The following IL1RAPL2 variants were observed in gnomAD, a reference collection of about 807,000 sequenced individuals.
IL1RAPL2 encodes the protein interleukin 1 receptor accessory protein like 2, also known as X-linked interleukin-1 receptor accessory protein-like 2.
Under a neutral mutation model 44.1 loss-of-function variants are expected in IL1RAPL2, and 3 were observed. The ratio of observed to expected loss-of-function variants is 0.07; its 90% CI spans 0.03 to 0.18. The LOEUF is 0.18. Ranked by LOEUF, IL1RAPL2 falls within the 10% of genes least tolerant of loss-of-function variation. The probability of loss-of-function intolerance (pLI) is 1.00; values close to 1 mark genes in which losing one functional copy is unlikely to be tolerated. For synonymous variants in IL1RAPL2, 181 were observed against 178.8 expected (o/e 1.01, Z -0.10); for missense variants, 391 against 496.4 (o/e 0.79, Z 2.02).
intron 2 of IL1RAPL2, among the ~76,000 whole-genome samples, chrX:104,898,226 C>A (rs772949713): frequency 9.0e-6 from 1 of 111,263 alleles, no homozygotes; most frequent in Non-Finnish European, 1.9e-5. Flanking sequence ...CTTTAGGAGT[C>A]GGTAAAACAA....
At chrX:104,659,441 A>T (rs1344155441) in intron 2 of IL1RAPL2, among the ~76,000 whole-genome samples, 2 of 111,866 alleles carry the variant, frequency 1.8e-5, no homozygotes, top group Admixed American at 1.9e-4. Flanking sequence ...AGGGGTCTAC[A>T]GCCTCCAAGT....
At chrX:105,254,759 A>G (rs1290568371) in intron 4 of IL1RAPL2, among the ~76,000 whole-genome samples, 6 of 112,065 alleles carry the variant, frequency 5.4e-5, no homozygotes, top group Admixed American at 9.5e-5. Flanking sequence ...TTCACCTTCA[A>G]TCTTCTGCAT....
intron 2 of IL1RAPL2, among the ~76,000 whole-genome samples, chrX:105,084,560 C>T (rs1372406320): frequency 8.9e-6 from 1 of 112,452 alleles, no homozygotes; most frequent in Non-Finnish European, 1.9e-5. Context: ...AGAACAGGAG[C>T]ATTTACCCAA....
intron 5 of IL1RAPL2, among the ~76,000 whole-genome samples, chrX:105,334,233 G>T (rs1472689380): frequency 9.0e-6 from 1 of 111,686 alleles, no homozygotes; most frequent in African/African-American, 3.3e-5. Context: ...GATGGAACAG[G>T]AGGACACTCA....
intron 2 of IL1RAPL2, among the ~76,000 whole-genome samples, chrX:105,075,356 A>G (rs1462432276): frequency 4.5e-5 from 5 of 111,361 alleles, no homozygotes; most frequent in South Asian, 7.5e-4. Context: ...ATTGTTTTGC[A>G]TATGTTGAAC....
chrX:105,568,277 T>TATCA (rs1291026558), intron 6 of IL1RAPL2, among the ~76,000 whole-genome samples: 1 of 112,015 alleles, frequency 8.9e-6, no homozygotes, highest in Non-Finnish European at 1.9e-5. Context: ...TATCATCCCC[T>TATCA]ATCACTACAA....
At chrX:105,029,953 G>A (rs1259740156) in intron 2 of IL1RAPL2, among the ~76,000 whole-genome samples, 1 of 111,750 alleles carries the variant, frequency 8.9e-6, no homozygotes, top group Non-Finnish European at 1.9e-5. Flanking sequence ...TCCAACTGGT[G>A]TGAGATGGTA....
At chrX:104,672,728 TC>T (rs1451985112) in intron 2 of IL1RAPL2, among the ~76,000 whole-genome samples, 1 of 104,252 alleles carries the variant, frequency 9.6e-6, no homozygotes, top group Non-Finnish European at 2.0e-5. Flanking sequence ...GTAAAAGTGT[TC>T]CTATTTCTCC....
In IL1RAPL2 at chrX:105,430,503, A is replaced by C. The variant is rs184380669; in HGVS notation, c.698-53810A>C. 6.0e-4 allele frequency among the ~76,000 whole-genome samples: 67 copies of C among 111,691 alleles called. 1 individual carries two copies. The highest frequency in any genetic ancestry group is 9.4e-4 in the Non-Finnish European group (50 of 52,974). On this transcript the variant is annotated intron_variant, in intron 5 of 10. Transcript: ENST00000372582. ...ATTTCTACTATATCTTAATCCATAT[A>C]ATTATGAGCCTTGCTTAATAGAGTT...
In IL1RAPL2 at chrX:105,607,635, CAAAAAAAAAAAAAAA is replaced by C. The variant is rs11377516; in HGVS notation, c.773-109718_773-109704del. Among the ~76,000 whole-genome samples the C allele has an allele frequency of 6.4e-4, 10 of 15,727 alleles. No homozygotes were observed. In the East Asian group the frequency reaches 0.034, roughly 54 times the overall value. 13.7% of individuals were successfully genotyped at this position (15,727 alleles called of 115,157 possible). On this transcript the variant is annotated intron_variant, in intron 6 of 10. Coordinates refer to ENST00000372582, the MANE Select transcript of IL1RAPL2 (RefSeq NM_017416.2). ...AAAAGATGCATGGACATTCAGCAGACAAAAAAAAAAAAAAAAAAAAAAAAAAAAGGAAATAAGGCA... is the reference window on the plus strand; with the variant it reads ...AAAAGATGCATGGACATTCAGCAGACAAAAAAAAAAAAAGGAAATAAGGCA...
intron 5 of IL1RAPL2, among the ~76,000 whole-genome samples, chrX:105,426,089 T>G (rs1602407021): frequency 9.2e-6 from 1 of 109,115 alleles, no homozygotes; most frequent in Non-Finnish European, 1.9e-5. Flanking sequence ...AGGGATTGAT[T>G]AATTAATTGT....
intron 2 of IL1RAPL2, among the ~76,000 whole-genome samples, chrX:104,900,268 G>A (rs1468788055): frequency 9.0e-6 from 1 of 111,435 alleles, no homozygotes; most frequent in Non-Finnish European, 1.9e-5. Context: ...AGAGCTCTTT[G>A]TCATTTAAAC....
chrX:105,680,139 A>G (rs1327109107), intron 6 of IL1RAPL2, among the ~76,000 whole-genome samples: 1 of 111,467 alleles, frequency 9.0e-6, no homozygotes, highest in African/African-American at 3.3e-5. Context: ...AACTGGGACT[A>G]CAGGCATAAG....
chrX:104,571,524 T>A (rs1464702478), intron 1 of IL1RAPL2, among the ~76,000 whole-genome samples: 1 of 111,324 alleles, frequency 9.0e-6, no homozygotes, highest in Non-Finnish European at 1.9e-5. Flanking sequence ...AGTGAATAAA[T>A]CTCACAAGAT....
chrX:105,525,262 G>A (rs1377015934), intron 6 of IL1RAPL2, among the ~76,000 whole-genome samples: 1 of 111,314 alleles, frequency 9.0e-6, no homozygotes, highest in African/African-American at 3.3e-5. Context: ...CAGCTGCTAT[G>A]AAGGATCAAA....
rs929544925 is a variant in IL1RAPL2 at position 105,757,283 on chromosome X, T to A, written c.1363+1936T>A. On this transcript the variant is annotated intron_variant, in intron 10 of 10. Transcript: ENST00000372582. The stretch of plus-strand genomic sequence containing the variant: ...TCCATATCATTGCCTCTGTGAAAAG[T>A]CCATAATAATCTCTCCAGCTGTAGA... Among the ~76,000 whole-genome samples the A allele has an allele frequency of 1.6e-4, 18 of 112,024 alleles. No individual in the cohort carries two copies. The Admixed American group carries it at 1.6e-3, about 10-fold the overall frequency.
chrX:104,932,295 G>A (rs966584567), intron 2 of IL1RAPL2, among the ~76,000 whole-genome samples: 6 of 110,119 alleles, frequency 5.4e-5, no homozygotes, highest in African/African-American at 9.9e-5. Flanking sequence ...CACCGCGCTC[G>A]GCCACTATGA....
At chrX:105,189,265 T>C (rs782161702) in intron 2 of IL1RAPL2, among the ~76,000 whole-genome samples, 41 of 112,631 alleles carry the variant, frequency 3.6e-4, no homozygotes, top group Non-Finnish European at 7.1e-4. Context: ...TTGCCCAGGC[T>C]GGAGTGCAGT....
At chrX:105,238,773 A>G (rs1486530100) in intron 4 of IL1RAPL2, among the ~76,000 whole-genome samples, 4 of 110,708 alleles carry the variant, frequency 3.6e-5, no homozygotes, top group African/African-American at 9.9e-5. Flanking sequence ...CTTAGGTGAG[A>G]GTGTGCCACT....
Sources: gnomAD v4.1 joint callset for allele counts (sites outside exome capture counted in the v4.1 genomes callset) on GRCh38, gnomAD v4.1.1 for gene constraint, MANE v1.5 for transcripts, NCBI Gene and HGNC (gene_info 2026-07-23, HGNC 2026-07-21) for gene names.